Variants in ANGPTL1 observed in about 807,000 individuals in gnomAD.
ANGPTL1 encodes the protein angiopoietin-related protein 1.
In ANGPTL1, 36 loss-of-function variants were observed where a neutral mutation model predicts 46.7. The observed-to-expected ratio is 0.77, with a 90% confidence interval of 0.59 to 1.02. The LOEUF (loss-of-function observed/expected upper bound fraction) is 1.02, where lower values mean the gene tolerates loss of function less well. Among genes scored for constraint, ANGPTL1 ranks in the 50% least tolerant of loss-of-function variants. The pLI, the probability that ANGPTL1 is intolerant of heterozygous loss-of-function variation, is 0.00. For missense variants in ANGPTL1, 571 were observed against 594.7 expected (o/e 0.96, Z 0.41); for synonymous variants, 221 against 204.3 (o/e 1.08, Z -0.69).
chr1:178,852,719 A>G lies in ANGPTL1; in HGVS notation c.1252T>C (p.Phe418Leu), dbSNP rs1284091553. The G allele has an allele frequency of 6.2e-7, 1 of 1,613,784 alleles. No individual in the cohort carries two copies. The highest frequency in any genetic ancestry group is 1.1e-5 in the South Asian group (1 of 91,056). Residue 418 changes from phenylalanine to leucine, a missense_variant, in exon 5 of 6, where the codon TTC becomes CTC. Coordinates refer to ENST00000234816, the MANE Select transcript of ANGPTL1 (RefSeq NM_004673.4). ...TCTTTATCTCTGTCCAGTGTGGTGA[A>G]TTGTTTACCATTATGCCACATCATA... The part of the protein sequence containing the change: ...DSMMWHNGKQ[F>L]TTLDRDKDMY...
chr1:178,865,719 G>A lies in ANGPTL1; in HGVS notation c.58C>T (p.His20Tyr), dbSNP rs1487384053. Residue 20 changes from histidine (H) to tyrosine (Y), a missense_variant, in exon 3 of 6, where the codon CAT (histidine) becomes TAT (tyrosine). Physicochemically the swap from His to Tyr is moderately conservative, Grantham distance 83 (BLOSUM62 2). Transcript: ENST00000234816. ...ATTTTGAATTGTCCACCTCTGCAAT[G>A]TCCAGTGTCCACTAGTAGGAAGAAT... Reference protein sequence around the residue: ...VLFFLLVDTGHCRGGQFKIKK... With the variant: ...VLFFLLVDTGYCRGGQFKIKK... The A allele has an allele frequency of 6.2e-7, 1 of 1,613,454 alleles. No individual in the cohort carries two copies. Among genetic ancestry groups the A allele is most frequent in the Non-Finnish European group, 8.5e-7 (1 of 1,179,884 alleles).
At chr1:178,855,457 T>C (rs1657471131) in intron 3 of ANGPTL1, among the ~76,000 whole-genome samples, 1 of 152,002 alleles carries the variant, frequency 6.6e-6, no homozygotes, top group African/African-American at 2.4e-5. Flanking sequence ...ATGTTTATTA[T>C]AGTTCATTGA....
Position 178,850,970 on chromosome 1 carries a change from C to G in ANGPTL1, c.*159G>C, listed in dbSNP as rs185933867. 4.2e-3 allele frequency: 2,470 copies of G among 585,826 alleles called. 6 individuals are homozygous for G. Among genetic ancestry groups the G allele is most frequent in the Non-Finnish European group, 5.7e-3 (2,181 of 379,682 alleles). 36.3% of individuals were successfully genotyped at this position (585,826 alleles called of 1,614,324 possible). A position where few individuals can be genotyped will look rare whatever the true frequency, so the allele number is the denominator to read the frequency against. On this transcript the variant is annotated 3_prime_UTR_variant, in exon 6 of 6. Coordinates refer to ENST00000234816, the MANE Select transcript of ANGPTL1 (RefSeq NM_004673.4). Reference sequence around the variant, plus strand: ...CTGCAGTAATTGACGACAGATGAAACTACATTTATAGGTTCCCTTTTATAG... The same window carrying G: ...CTGCAGTAATTGACGACAGATGAAAGTACATTTATAGGTTCCCTTTTATAG...
At chr1:178,857,928 G>C (rs1657703495) in intron 3 of ANGPTL1, among the ~76,000 whole-genome samples, 1 of 152,082 alleles carries the variant, frequency 6.6e-6, no homozygotes, top group Admixed American at 6.5e-5. Context: ...AAGCAAAATA[G>C]AGAGTTCTGG....
intron 3 of ANGPTL1, among the ~76,000 whole-genome samples, chr1:178,859,831 C>CCT (rs1421890795): frequency 9.9e-6 from 1 of 100,560 alleles, no homozygotes; most frequent in Non-Finnish European, 2.3e-5. Context: ...CCCCCCCCCC[C>CCT]CCAACCGCCC....
At chr1:178,851,921 G>A (rs182479314) in intron 5 of ANGPTL1, among the ~76,000 whole-genome samples, 3 of 152,218 alleles carry the variant, frequency 2.0e-5, no homozygotes, top group South Asian at 4.1e-4. Context: ...GTATCAGGAC[G>A]AGAAGAAACC....
chr1:178,870,646 T>C (rs772830724), intron 1 of ANGPTL1, 95 bp downstream of exon 1: 10 of 152,334 alleles, frequency 6.6e-5, no homozygotes, highest in Middle Eastern at 3.4e-3. Context: ...CAAAGGTCTT[T>C]GTTTAGTAAA....
chr1:178,853,287 C>G, intron 4 of ANGPTL1: 4 of 886,418 alleles, frequency 4.5e-6, no homozygotes, highest in South Asian at 1.0e-4. Context: ...GGTTCCTGGT[C>G]TCTCTCATAT....
In ANGPTL1 at chr1:178,856,194, GAGAGAGAGAT is replaced by G. The variant is rs1472346882; in HGVS notation, c.824-2417_824-2408del. Among the ~76,000 whole-genome samples, 797 of 99,176 alleles carry G rather than the reference GAGAGAGAGAT, an allele frequency of 8.0e-3. 29 individuals are homozygous for G. The highest frequency in any genetic ancestry group is 0.037 in the African/African-American group (674 of 18,386). 65.1% of individuals were successfully genotyped at this position (99,176 alleles called of 152,430 possible). A position where few individuals can be genotyped will look rare whatever the true frequency, so the allele number is the denominator to read the frequency against. ...ACTGTGTTACCTGTACTTTTCCAGAGAGAGAGAGATATATATATATATATATATATATATA... is the reference window on the plus strand; with the variant it reads ...ACTGTGTTACCTGTACTTTTCCAGAGATATATATATATATATATATATATA... On this transcript the variant is annotated intron_variant, in intron 3 of 5. Transcript: ENST00000234816.
chr1:178,861,959 G>A (rs1452546347), intron 3 of ANGPTL1, among the ~76,000 whole-genome samples: 2 of 151,760 alleles, frequency 1.3e-5, no homozygotes, highest in South Asian at 2.1e-4. Flanking sequence ...TGCAACCTCC[G>A]CCCCCCAGGT....
At chr1:178,852,623 A>C (rs1657248304) in intron 5 of ANGPTL1, 60 bp downstream of exon 5, 3 of 1,513,922 alleles carry the variant, frequency 2.0e-6, no homozygotes, top group Non-Finnish European at 2.7e-6. Context: ...ATATTAGTAG[A>C]TTCTATTTAA....
rs1268894873 is a variant in ANGPTL1, at chr1:178,865,227, C to G, written c.550G>C (p.Asp184His). Residue 184 changes from aspartate (D) to histidine (H), a missense_variant, in exon 3 of 6, where the codon GAT (aspartate) becomes CAT (histidine). Transcript: ENST00000234816. ...ELEVKYASLT[D>H]LVNNQSVMIT... ...ATCACAGATTGGTTATTGACAAGAT[C>G]AGTCAAGGAAGCGTATTTCACCTCT... The G allele has an allele frequency of 6.2e-7, 1 of 1,614,100 alleles. No homozygotes were observed. Among genetic ancestry groups the G allele is most frequent in the Non-Finnish European group, 8.5e-7 (1 of 1,179,990 alleles).
chr1:178,856,777 T>C (rs1236912851), intron 3 of ANGPTL1, among the ~76,000 whole-genome samples: 2 of 152,150 alleles, frequency 1.3e-5, no homozygotes, highest in Non-Finnish European at 2.9e-5. Flanking sequence ...ATAAATTTAA[T>C]ATAGCTCATC....
In ANGPTL1 at chr1:178,856,249, T is replaced by G. The variant is rs987073506; in HGVS notation, c.824-2462A>C. ...TATATATATATGGTTTTGGGTTTTG[T>G]TTTTTTTGGAGCCTGTTTCCCAGGC... On this transcript the variant is annotated intron_variant, in intron 3 of 5. Transcript: ENST00000234816. Among the ~76,000 whole-genome samples, 182 of 136,004 alleles carry G rather than the reference T, an allele frequency of 1.3e-3. 5 individuals carry two copies. The highest frequency in any genetic ancestry group is 5.2e-3 in the African/African-American group (166 of 32,018). The allele number at this position is 136,004 out of a possible 152,430, so 89.2% of individuals were successfully genotyped here.
At chr1:178,868,912 C>T (rs1307735808) in intron 2 of ANGPTL1, among the ~76,000 whole-genome samples, 1 of 151,820 alleles carries the variant, frequency 6.6e-6, no homozygotes, top group Non-Finnish European at 1.5e-5. Flanking sequence ...AGACTAGCTA[C>T]GTCAGGAGTA....
chr1:178,856,877 A>G (rs1486297767), intron 3 of ANGPTL1, among the ~76,000 whole-genome samples: 1 of 152,178 alleles, frequency 6.6e-6, no homozygotes, highest in South Asian at 2.1e-4. Context: ...ATAGTAGCCA[A>G]TTTTAGCTCT....
At position 178,853,772 on chromosome 1, in the gene ANGPTL1, C is replaced by T. The variant is rs1408678103; in HGVS notation, c.839G>A (p.Cys280Tyr). 2.5e-6 allele frequency: 4 copies of T among 1,604,312 alleles called. No individual in the cohort carries two copies. Among genetic ancestry groups the T allele is most frequent in the Admixed American group, 3.4e-5 (2 of 58,064 alleles). The change falls in exon 4 of 6, where the codon TGT becomes TAT. Residue 280 changes from cysteine to tyrosine, a missense_variant. By Grantham distance (194) the Cys-to-Tyr change is radical. Coordinates refer to ENST00000234816, the MANE Select transcript of ANGPTL1 (RefSeq NM_004673.4). Reference sequence around the variant, plus strand: ...ATGCCCAGCTTCTTTTGCTTGCTGACAGTCTTTGAATGGTCCTATAATTTA... The same window carrying T: ...ATGCCCAGCTTCTTTTGCTTGCTGATAGTCTTTGAATGGTCCTATAATTTA... ...TFINEGPFKDCQQAKEAGHSV... is the reference protein window; with the variant it reads ...TFINEGPFKDYQQAKEAGHSV...
In ANGPTL1 at chr1:178,865,211, T is replaced by G. The variant is rs1342569786; in HGVS notation, c.566A>C (p.Gln189Pro). 1.9e-6 allele frequency: 3 copies of G among 1,614,074 alleles called. No homozygotes were observed. Among genetic ancestry groups the G allele is most frequent in the Non-Finnish European group, 2.5e-6 (3 of 1,179,942 alleles). Residue 189 changes from glutamine (Q) to proline (P), a missense_variant, in exon 3 of 6, where the codon CAA (glutamine) becomes CCA (proline). Gln to Pro is a moderately conservative substitution (Grantham distance 76). Transcript: ENST00000234816. ...TTCCAACAAAGTGATCATCACAGAT[T>G]GGTTATTGACAAGATCAGTCAAGGA... ...YASLTDLVNN[Q>P]SVMITLLEEQ...
chr1:178,861,138 G>C (rs1427098690), intron 3 of ANGPTL1, among the ~76,000 whole-genome samples: 1 of 152,010 alleles, frequency 6.6e-6, no homozygotes, highest in East Asian at 1.9e-4. Flanking sequence ...GTAGAACCAG[G>C]TGTTCTTAAT....
Sources: gnomAD v4.1 joint callset for allele counts (sites outside exome capture counted in the v4.1 genomes callset) on GRCh38, gnomAD v4.1.1 for gene constraint, MANE v1.5 for transcripts, NCBI Gene and HGNC (gene_info 2026-07-23, HGNC 2026-07-21) for gene names.